The following DESI1 variants were observed in gnomAD, a reference collection of about 807,000 sequenced individuals.
DESI1 encodes the protein PPPDE peptidase domain containing 2.
A neutral mutation model predicts 22.4 loss-of-function variants in DESI1; 17 were observed. The observed-to-expected ratio is 0.76, with a 90% CI of 0.52 to 1.14. The LOEUF is 1.14. Ranked by LOEUF, DESI1 falls within the 50% of genes most tolerant of loss-of-function variation. The probability of loss-of-function intolerance (pLI) is 0.00; values close to 1 mark genes in which losing one functional copy is unlikely to be tolerated. For synonymous variants in DESI1, 92 were observed against 84.2 expected, an observed-to-expected ratio of 1.09 and a Z score of -0.51; for missense variants, 177 against 208.9, an observed-to-expected ratio of 0.85 and a Z score of 0.94.
intron 1 of DESI1, among the ~76,000 whole-genome samples, chr22:41,608,793 GA>G (rs2067497928): frequency 6.6e-6 from 1 of 152,108 alleles, no homozygotes; most frequent in South Asian, 2.1e-4. Flanking sequence ...GAGTCCATGA[GA>G]GATACTCTAC....
At chr22:41,614,586 C>T (rs1352544766) in intron 1 of DESI1, among the ~76,000 whole-genome samples, 2 of 31,094 alleles carry the variant, frequency 6.4e-5, no homozygotes, top group African/African-American at 2.9e-4. Context: ...GCCCGGCCTA[C>T]ATCCTTTTTT....
intron 5 of DESI1, 119 bp downstream of exon 5, chr22:41,603,140 C>T: frequency 2.1e-6 from 3 of 1,460,262 alleles, no homozygotes; most frequent in Non-Finnish European, 2.8e-6. Context: ...TTAGAATCTG[C>T]CATCAGGGCA....
In DESI1 at chr22:41,607,291, CGAA is replaced by C. The variant is rs760400264; in HGVS notation, c.148_150del (p.Phe50del). ...GGGCAGCTGGAGATACCACCACTGCCGAAGAAGAACTCATCCTTGTGCACAACT... is the reference window on the plus strand; with the variant it reads ...GGGCAGCTGGAGATACCACCACTGCCGAAGAACTCATCCTTGTGCACAACT... On this transcript the variant is annotated inframe_deletion, in exon 3 of 6. Transcript: ENST00000263256. 1.0e-4 allele frequency: 168 copies of C among 1,612,032 alleles called. No homozygotes were observed. Among genetic ancestry groups the C allele is most frequent in the Middle Eastern group, 4.9e-4 (3 of 6,080 alleles).
chr22:41,602,530 C>G, intron 5 of DESI1: 1 of 985,436 alleles, frequency 1.0e-6, no homozygotes, highest in Non-Finnish European at 1.2e-6. Context: ...CTGCCAGGAT[C>G]TCTGTTAAAT....
chr22:41,615,126 G>A (rs573908340), intron 1 of DESI1, among the ~76,000 whole-genome samples: 5 of 146,602 alleles, frequency 3.4e-5, no homozygotes, highest in South Asian at 2.2e-4. Context: ...GTGAAACCCC[G>A]TCTCTTCTAA....
chr22:41,621,001 C>G lies in DESI1; in HGVS notation c.-162G>C. On this transcript the variant is annotated 5_prime_UTR_variant, in exon 1 of 6. Transcript: ENST00000263256. Reference sequence around the variant, plus strand: ...AGGCCGCCCTGCGCTGCTCGCGCCCCCACACCCGCTACCGGCAACGACTAC... The same window carrying G: ...AGGCCGCCCTGCGCTGCTCGCGCCCGCACACCCGCTACCGGCAACGACTAC... The G allele has an allele frequency of 2.8e-6, 2 of 703,250 alleles. No individual in the cohort carries two copies. Among genetic ancestry groups the G allele is most frequent in the Non-Finnish European group, 2.3e-6 (1 of 430,040 alleles). The allele number at this position is 703,250 out of a possible 1,614,324, so 43.6% of individuals were successfully genotyped here.
chr22:41,603,157 C>G (rs1427538944), intron 5 of DESI1, 102 bp downstream of exon 5: 1 of 1,572,284 alleles, frequency 6.4e-7, no homozygotes, highest in African/African-American at 1.3e-5. Flanking sequence ...GGCAGGCCCA[C>G]CTGGTTGGGA....
At chr22:41,618,937 G>T (rs1382545196) in intron 1 of DESI1, among the ~76,000 whole-genome samples, 1 of 152,116 alleles carries the variant, frequency 6.6e-6, no homozygotes, top group South Asian at 2.1e-4. Flanking sequence ...GGTGGCGGGC[G>T]CCTGTAGTCC....
At chr22:41,606,471 C>A (rs183869858) in intron 3 of DESI1, among the ~76,000 whole-genome samples, 190 of 152,090 alleles carry the variant, frequency 1.2e-3, no homozygotes, top group Admixed American at 3.2e-3. Flanking sequence ...ACTTGGATAG[C>A]TGATAGAAAT....
intron 3 of DESI1, among the ~76,000 whole-genome samples, chr22:41,606,773 C>CAAAAAAAAAA (rs67262006): frequency 1.6e-5 from 1 of 62,728 alleles, no homozygotes; most frequent in Non-Finnish European, 2.6e-5. Flanking sequence ...GACTCCATCT[C>CAAAAAAAAAA]AAAAAAAAAA....
At chr22:41,603,677 CCT>C (rs1333979594) in intron 4 of DESI1, among the ~76,000 whole-genome samples, 2 of 152,218 alleles carry the variant, frequency 1.3e-5, no homozygotes, top group Admixed American at 6.5e-5. Context: ...CTGACTAAAG[CCT>C]CTTTCAGAGA....
At position 41,620,957 on chromosome 22, in the gene DESI1, G is replaced by C. The variant is rs1028086774; in HGVS notation, c.-118C>G. 25 of 1,144,866 alleles carry C rather than the reference G, an allele frequency of 2.2e-5. No homozygotes were observed. The highest frequency in any genetic ancestry group is 3.0e-5 in the Non-Finnish European group (24 of 808,156). The allele number at this position is 1,144,866 out of a possible 1,614,324, so 70.9% of individuals were successfully genotyped here. On this transcript the variant is annotated 5_prime_UTR_variant, in exon 1 of 6. Coordinates refer to ENST00000263256, the MANE Select transcript of DESI1 (RefSeq NM_015704.3). ...AGAGGGGGGGACCGAGCCCGGGCCC[G>C]GGCTGAGGGGTGGGGGAGAGGCCGC...
Position 41,620,905 on chromosome 22 carries a change from T to G in DESI1, c.-66A>C. ...CCCGGCAGCGGCTTGGACCTTCCCGTACCCGACGGGAGTGCGAAGCGGAGG... is the reference window on the plus strand; with the variant it reads ...CCCGGCAGCGGCTTGGACCTTCCCGGACCCGACGGGAGTGCGAAGCGGAGG... On this transcript the variant is annotated 5_prime_UTR_variant, in exon 1 of 6. Transcript: ENST00000263256. 2 of 1,519,168 alleles carry G rather than the reference T, an allele frequency of 1.3e-6. No homozygotes were observed. The highest frequency in any genetic ancestry group is 1.8e-6 in the Non-Finnish European group (2 of 1,119,222). The allele number at this position is 1,519,168 out of a possible 1,614,324, so 94.1% of individuals were successfully genotyped here.
Position 41,598,864 on chromosome 22 carries a change from C to A in DESI1, c.*2233G>T, listed in dbSNP as rs987554961. ...TTTGGGCCCAATTCTGCTAGTAGATCACGATTATACAACAGTCCCTGCTAG... is the reference window on the plus strand; with the variant it reads ...TTTGGGCCCAATTCTGCTAGTAGATAACGATTATACAACAGTCCCTGCTAG... On this transcript the variant is annotated 3_prime_UTR_variant, in exon 6 of 6. Transcript: ENST00000263256. The A allele has an allele frequency of 1.3e-5, 2 of 152,288 alleles. No homozygotes were observed. The highest frequency in any genetic ancestry group is 2.9e-5 in the Non-Finnish European group (2 of 68,080). The allele number at this position is 152,288 out of a possible 1,614,324, so 9.4% of individuals were successfully genotyped here.
chr22:41,604,719 T>C (rs8139190), intron 3 of DESI1, among the ~76,000 whole-genome samples: 6,106 of 150,714 alleles, frequency 0.041, 262 homozygotes, highest in African/African-American at 0.094. Context: ...ACACTAATGA[T>C]AGCTGATGAG....
At chr22:41,619,618 C>A (rs943985945) in intron 1 of DESI1, among the ~76,000 whole-genome samples, 39 of 152,194 alleles carry the variant, frequency 2.6e-4, no homozygotes, top group African/African-American at 8.7e-4. Flanking sequence ...TTTTAACAAG[C>A]ACCCTAGATG....
chr22:41,604,626 T>C (rs867897799), intron 3 of DESI1, among the ~76,000 whole-genome samples: 1 of 152,088 alleles, frequency 6.6e-6, no homozygotes, highest in Non-Finnish European at 1.5e-5. Flanking sequence ...TGCAATAGCT[T>C]AGAAGCATTG....
At chr22:41,601,527 CT>C (rs1342601755) in intron 5 of DESI1, among the ~76,000 whole-genome samples, 1 of 152,140 alleles carries the variant, frequency 6.6e-6, no homozygotes, top group Admixed American at 6.5e-5. Context: ...GTGCTTGTGT[CT>C]TTAATTCTTG....
chr22:41,607,890 T>G (rs770575676), intron 1 of DESI1, 29 bp from the exon 2 acceptor site: 3 of 1,613,892 alleles, frequency 1.9e-6, no homozygotes, highest in Non-Finnish European at 8.5e-7. Context: ...ATTTAGCCAC[T>G]TGGGACTAGA....
Sources: allele counts gnomAD v4.1 joint callset (sites outside exome capture counted in the v4.1 genomes callset), GRCh38; gene constraint gnomAD v4.1.1; transcripts MANE v1.5; gene names NCBI Gene and HGNC (gene_info 2026-07-23, HGNC 2026-07-21).